Variants in DNAH5 observed in about 807,000 individuals in gnomAD.
DNAH5 encodes the protein dynein axonemal heavy chain 5, also known as axonemal beta dynein heavy chain 5.
Under a neutral mutation model 518.2 loss-of-function variants are expected in DNAH5, and 372 were observed. The observed-to-expected ratio is 0.72, with a 90% confidence interval of 0.66 to 0.78. The LOEUF (loss-of-function observed/expected upper bound fraction) is 0.78, where lower values mean the gene tolerates loss of function less well. Ranked by LOEUF, DNAH5 falls within the 30% of genes least tolerant of loss-of-function variation. The pLI is 0.00. For missense variants in DNAH5, 5,523 were observed against 5,687.0 expected, an observed-to-expected ratio of 0.97 and a Z score of 0.93; for synonymous variants, 2,039 against 2,025.9, an observed-to-expected ratio of 1.01 and a Z score of -0.17.
At chr5:13,784,116 A>G (rs946623008) in intron 52 of DNAH5, among the ~76,000 whole-genome samples, 5 of 152,202 alleles carry the variant, frequency 3.3e-5, no homozygotes, top group African/African-American at 1.2e-4. Flanking sequence ...GTTCTAGTGA[A>G]CTTGCTCAAG....
intron 42 of DNAH5, among the ~76,000 whole-genome samples, chr5:13,817,031 C>T (rs1297871428): frequency 2.0e-5 from 3 of 152,156 alleles, no homozygotes; most frequent in Admixed American, 6.5e-5. Context: ...ACCGCTAGCC[C>T]TTAATGAGTT....
At position 13,914,582 on chromosome 5, in the gene DNAH5, T is replaced by C. The variant is rs916494837; in HGVS notation, c.1258A>G (p.Ile420Val). 6 of 1,613,458 alleles carry C rather than the reference T, an allele frequency of 3.7e-6. No individual in the cohort carries two copies. The highest frequency in any genetic ancestry group is 5.1e-6 in the Non-Finnish European group (6 of 1,179,472). ...AYITNNGTAS[I>V]WNQPQDVVEE... is the part of the protein sequence containing the mutation. Reference sequence around the variant, plus strand: ...ACAACATCCTGTGGCTGGTTCCAGATGGAAGCGGTTCCATTATTGGTAATA... The same window carrying C: ...ACAACATCCTGTGGCTGGTTCCAGACGGAAGCGGTTCCATTATTGGTAATA... Residue 420 changes from isoleucine to valine, a missense_variant, in exon 10 of 79, where the codon ATC (isoleucine) becomes GTC (valine). Transcript: ENST00000265104.
At chr5:13,766,314 A>ATGCATATT in intron 58 of DNAH5, 135 bp from the exon 59 acceptor site, 7 of 853,352 alleles carry the variant, frequency 8.2e-6, no homozygotes, top group Non-Finnish European at 1.2e-5. Flanking sequence ...CAGGGTCTAG[A>ATGCATATT]TGCATATTTA....
chr5:13,794,118 A>G, intron 47 of DNAH5, 60 bp from the exon 48 acceptor site: 1 of 1,610,360 alleles, frequency 6.2e-7, no homozygotes, highest in Non-Finnish European at 8.5e-7. Flanking sequence ...CTGGTCAATT[A>G]TTTTAAAAAA....
intron 35 of DNAH5, among the ~76,000 whole-genome samples, chr5:13,833,131 CA>C (rs57578159): frequency 0.4 from 56,414 of 140,182 alleles, 11,358 homozygotes; most frequent in Middle Eastern, 0.52. Flanking sequence ...ATGTGTTATC[CA>C]AAAAAAAAAA....
intron 29 of DNAH5, among the ~76,000 whole-genome samples, chr5:13,859,926 T>C (rs1580627510): frequency 6.6e-6 from 1 of 152,202 alleles, no homozygotes; most frequent in African/African-American, 2.4e-5. Context: ...GCTACGAGAA[T>C]AATATTTGCC....
intron 28 of DNAH5, among the ~76,000 whole-genome samples, chr5:13,862,959 A>G (rs1768701235): frequency 1.3e-5 from 2 of 152,076 alleles, no homozygotes; most frequent in Admixed American, 1.3e-4. Context: ...TAAAGATATG[A>G]CTGAAAAATA....
At chr5:13,746,661 A>G (rs1749381513) in intron 65 of DNAH5, among the ~76,000 whole-genome samples, 1 of 152,152 alleles carries the variant, frequency 6.6e-6, no homozygotes, top group Non-Finnish European at 1.5e-5. Flanking sequence ...ATGGGAGGCA[A>G]TTAGTATTAA....
chr5:13,770,884 G>T lies in DNAH5; in HGVS notation c.9470C>A (p.Ala3157Asp), dbSNP rs11741593. 6.2e-7 allele frequency: 1 copy of T among 1,613,996 alleles called. No individual in the cohort carries two copies. The highest frequency in any genetic ancestry group is 8.5e-7 in the Non-Finnish European group (1 of 1,179,956). ...QCMGSFQDGV[A>D]EKCVDYFQRF... Reference sequence around the variant, plus strand: ...CTGAAAATAATCAACACACTTCTCAGCCACCCCATCCTGGAAGGAGCCCAT... The same window carrying T: ...CTGAAAATAATCAACACACTTCTCATCCACCCCATCCTGGAAGGAGCCCAT... Residue 3157 changes from alanine (A) to aspartate (D), a missense_variant, in exon 56 of 79, where the codon GCT (alanine) becomes GAT (aspartate). Ala to Asp is a moderately radical substitution (Grantham distance 126). Coordinates refer to ENST00000265104, the MANE Select transcript of DNAH5 (RefSeq NM_001369.3).
At chr5:13,757,262 G>A (rs978689997) in intron 61 of DNAH5, among the ~76,000 whole-genome samples, 14 of 152,240 alleles carry the variant, frequency 9.2e-5, no homozygotes, top group East Asian at 3.9e-4. Context: ...CTGTTTTTAC[G>A]TCTTTGAGGA....
intron 55 of DNAH5, 33 bp from the exon 56 acceptor site, chr5:13,771,013 A>G (rs765669583): frequency 6.6e-7 from 1 of 1,520,662 alleles, no homozygotes; most frequent in South Asian, 1.1e-5. Context: ...TGTGTGAAAT[A>G]TGTATGTAAG....
chr5:13,871,015 A>C lies in DNAH5; in HGVS notation c.3599-13T>G, dbSNP rs1388212996. 1 of 1,599,560 alleles carries C rather than the reference A, an allele frequency of 6.3e-7. No individual in the cohort carries two copies. The highest frequency in any genetic ancestry group is 8.6e-7 in the Non-Finnish European group (1 of 1,167,764). ...AACTTCAAGTCAGCTGTAAAAACCC[A>C]AATGTCTACAGTTCAGTTTTAAAAA... On this transcript the variant is annotated splice_polypyrimidine_tract_variant and intron_variant, in intron 23 of 78. Transcript: ENST00000265104.
intron 38 of DNAH5, among the ~76,000 whole-genome samples, chr5:13,824,643 TAATC>T (rs1417518569): frequency 6.6e-6 from 1 of 152,336 alleles, no homozygotes; most frequent in African/African-American, 2.4e-5. Context: ...AGCTTATTCT[TAATC>T]AATCATACAT....
chr5:13,998,033 G>A (rs1784082132), intron 1 of DNAH5, among the ~76,000 whole-genome samples: 1 of 152,010 alleles, frequency 6.6e-6, no homozygotes, highest in African/African-American at 2.4e-5. Context: ...TAGTAGAGAT[G>A]GGGTTTCATC....
intron 21 of DNAH5, among the ~76,000 whole-genome samples, chr5:13,880,395 C>A (rs1271020742): frequency 6.6e-6 from 1 of 151,910 alleles, no homozygotes; most frequent in Non-Finnish European, 1.5e-5. Context: ...ATTGGCAAAT[C>A]CAAAACACTC....
rs1254882956 is a variant in DNAH5, at chr5:13,911,017, GAC to G, written c.1644+367_1644+368del. 2.0e-5 allele frequency among the ~76,000 whole-genome samples: 3 copies of G among 152,312 alleles called. No individual in the cohort carries two copies. In the East Asian group the frequency reaches 5.8e-4, roughly 29 times the overall value. ...GCCTTGGAATCTGCCAGACATTGCT[GAC>G]CATTTGCCTGAGCTACCTCTGGTCA... is the stretch of plus-strand genomic sequence containing the variant. On this transcript the variant is annotated intron_variant, in intron 12 of 78. Transcript: ENST00000265104.
Position 13,862,696 on chromosome 5 carries a change from G to A in DNAH5, c.4648C>T (p.Gln1550Ter). The change falls in exon 29 of 79, where the codon CAA (glutamine) becomes TAA (stop). Residue 1550 changes from glutamine to a stop codon, truncating the protein, a stop_gained. Transcript: ENST00000265104. LOFTEE classifies it high-confidence loss of function. ...TTATTGTCCCATTCATTAATCACTTGCTTCAGCTTTTGCTCAATGTCTCTC... is the reference window on the plus strand; with the variant it reads ...TTATTGTCCCATTCATTAATCACTTACTTCAGCTTTTGCTCAATGTCTCTC... ...KERDIEQKLKQVINEWDNKTF... is the reference protein window; with the variant it reads ...KERDIEQKLK 6.2e-7 allele frequency: 1 copy of A among 1,613,890 alleles called. No individual in the cohort carries two copies. The highest frequency in any genetic ancestry group is 8.5e-7 in the Non-Finnish European group (1 of 1,179,934).
chr5:13,722,614 A>G (rs914002577), intron 70 of DNAH5, among the ~76,000 whole-genome samples: 5 of 152,246 alleles, frequency 3.3e-5, no homozygotes, highest in Non-Finnish European at 7.3e-5. Context: ...TTCATCATTC[A>G]TATAGCCAGG....
At chr5:13,819,459 C>T (rs1003681343) in intron 41 of DNAH5, among the ~76,000 whole-genome samples, 1 of 152,124 alleles carries the variant, frequency 6.6e-6, no homozygotes, top group Non-Finnish European at 1.5e-5. Flanking sequence ...CAGCAACCAC[C>T]AACAATGTAC....
Sources: gnomAD v4.1 joint callset for allele counts (sites outside exome capture counted in the v4.1 genomes callset) on GRCh38, gnomAD v4.1.1 for gene constraint, MANE v1.5 for transcripts, NCBI Gene and HGNC (gene_info 2026-07-23, HGNC 2026-07-21) for gene names.